TTC6: variants seen among roughly 807,000 people sequenced by gnomAD.
TTC6 encodes the protein tetratricopeptide repeat protein 6.
TTC6 carries 172 observed loss-of-function variants against 210.4 expected under a neutral mutation model. The ratio of observed to expected loss-of-function variants is 0.82; its 90% CI spans 0.72 to 0.93. The LOEUF is 0.93. Ranked by LOEUF, TTC6 falls within the 40% of genes least tolerant of loss-of-function variation. The pLI, the probability that TTC6 is intolerant of heterozygous loss-of-function variation, is 0.00. For missense variants in TTC6, 2,414 were observed against 2,318.1 expected (o/e 1.04, Z -0.85); for synonymous variants, 804 against 819.6 (o/e 0.98, Z 0.32).
chr14:37,799,213 T>C (rs1157360099), intron 20 of TTC6, among the ~76,000 whole-genome samples: 1 of 152,202 alleles, frequency 6.6e-6, no homozygotes, highest in Non-Finnish European at 1.5e-5. Context: ...TTTTTCTCCC[T>C]GGGCATTTTA....
intron 7 of TTC6, among the ~76,000 whole-genome samples, chr14:37,731,996 A>G (rs1171126283): frequency 6.6e-6 from 1 of 151,984 alleles, no homozygotes. Flanking sequence ...GTTATATATA[A>G]TTGATCCTTG....
rs759062520 is a variant in TTC6 at position 37,679,198 on chromosome 14, G to C, written c.940-953G>C. Among the ~76,000 whole-genome samples, 32 of 152,106 alleles carry C rather than the reference G, an allele frequency of 2.1e-4. 1 individual carries two copies. Among genetic ancestry groups the C allele is most frequent in the Non-Finnish European group, 1.0e-4 (7 of 68,012 alleles). The stretch of plus-strand genomic sequence containing the variant: ...GATTGCACCACTGCATTCCAGCATG[G>C]GTGACAGAGCAAGTCTCTGTTTCAA... On this transcript the variant is annotated intron_variant, in intron 1 of 30. Transcript: ENST00000553443.
At chr14:37,756,809 T>C (rs965098786) in intron 14 of TTC6, among the ~76,000 whole-genome samples, 4 of 147,518 alleles carry the variant, frequency 2.7e-5, no homozygotes, top group African/African-American at 1.1e-4. Flanking sequence ...TGAAATTTTC[T>C]TTTTTTTTGT....
chr14:37,737,783 C>T, intron 9 of TTC6, 49 bp downstream of exon 11: 1 of 1,036,724 alleles, frequency 9.6e-7, no homozygotes, highest in Non-Finnish European at 1.3e-6. Context: ...ATTTATATTC[C>T]TAGGAATAAT....
At position 37,794,056 on chromosome 14, in the gene TTC6, G is replaced by A. The variant is rs564486210; in HGVS notation, c.3709-1214G>A. On this transcript the variant is annotated intron_variant, in intron 17 of 30. Transcript: ENST00000553443. ...ATCTAATCTAAGGCTACCTGGTAGT[G>A]GTCTAATGTCAGGGAAGCTTGTGAG... Among the ~76,000 whole-genome samples, 18 of 152,266 alleles carry A rather than the reference G, an allele frequency of 1.2e-4. No individual in the cohort carries two copies. In the South Asian group the frequency reaches 3.5e-3, roughly 30 times the overall value.
At chr14:37,784,353 T>G (rs2096062589) in intron 14 of TTC6, among the ~76,000 whole-genome samples, 1 of 152,218 alleles carries the variant, frequency 6.6e-6, no homozygotes, top group South Asian at 2.1e-4. Context: ...TTTTGTTGAA[T>G]TGATCCGTTT....
At chr14:37,644,261 G>A (rs1273166589) in intron 1 of TTC6, among the ~76,000 whole-genome samples, 1 of 152,094 alleles carries the variant, frequency 6.6e-6, no homozygotes, top group Non-Finnish European at 1.5e-5. Flanking sequence ...GTAAAAAAAG[G>A]TCTTATAAAA....
At chr14:37,647,995 T>C (rs150961351) in intron 1 of TTC6, among the ~76,000 whole-genome samples, 2 of 152,244 alleles carry the variant, frequency 1.3e-5, no homozygotes, top group African/African-American at 2.4e-5. Flanking sequence ...CATAGCGTTA[T>C]AACTATAATA....
At chr14:37,752,607 A>G (rs1175565034) in intron 13 of TTC6, among the ~76,000 whole-genome samples, 1 of 151,928 alleles carries the variant, frequency 6.6e-6, no homozygotes, top group African/African-American at 2.4e-5. Flanking sequence ...TATAATTGAT[A>G]TATGATTTAG....
intron 3 of TTC6, among the ~76,000 whole-genome samples, chr14:37,685,930 C>T (rs1303430636): frequency 1.3e-5 from 2 of 152,100 alleles, no homozygotes; most frequent in Non-Finnish European, 2.9e-5. Context: ...TTAAATGACT[C>T]ATTAAAAGAA....
At chr14:37,832,919 G>A (rs769982561) in intron 29 of TTC6, among the ~76,000 whole-genome samples, 3 of 152,026 alleles carry the variant, frequency 2.0e-5, no homozygotes, top group Non-Finnish European at 4.4e-5. Flanking sequence ...TTAGCTGTGT[G>A]TGGTGGTGCA....
intron 14 of TTC6, among the ~76,000 whole-genome samples, chr14:37,783,279 A>C (rs917697328): frequency 6.6e-6 from 1 of 152,092 alleles, no homozygotes; most frequent in Non-Finnish European, 1.5e-5. Context: ...TTGGTTTGGT[A>C]GGTTCTTAAT....
At chr14:37,704,510 A>G (rs2095831732) in intron 5 of TTC6, among the ~76,000 whole-genome samples, 1 of 152,052 alleles carries the variant, frequency 6.6e-6, no homozygotes, top group Admixed American at 6.6e-5. Context: ...AAGGTTGCAC[A>G]TATTTTTAGA....
intron 29 of TTC6, among the ~76,000 whole-genome samples, chr14:37,829,606 A>G (rs904291915): frequency 5.3e-5 from 8 of 152,078 alleles, no homozygotes; most frequent in Admixed American, 2.0e-4. Flanking sequence ...AGCTTGTCAC[A>G]TAAACTTGGT....
intron 15 of TTC6, among the ~76,000 whole-genome samples, chr14:37,789,916 A>G (rs1464081826): frequency 6.6e-6 from 1 of 152,018 alleles, no homozygotes; most frequent in Non-Finnish European, 1.5e-5. Flanking sequence ...TTGCACCTTA[A>G]GGCAGAATGT....
At chr14:37,744,812 G>T (rs1181319483) in intron 10 of TTC6, among the ~76,000 whole-genome samples, 1 of 152,124 alleles carries the variant, frequency 6.6e-6, no homozygotes, top group Non-Finnish European at 1.5e-5. Context: ...GGTTCGCTCT[G>T]GTTACTTGTG....
intron 1 of TTC6, among the ~76,000 whole-genome samples, chr14:37,653,847 T>G (rs1390445616): frequency 6.6e-6 from 1 of 152,186 alleles, no homozygotes; most frequent in Non-Finnish European, 1.5e-5. Flanking sequence ...AGGTACACCT[T>G]TTTTATTTAT....
chr14:37,714,093 T>A (rs2095848713), intron 5 of TTC6, among the ~76,000 whole-genome samples: 1 of 152,238 alleles, frequency 6.6e-6, no homozygotes, highest in African/African-American at 2.4e-5. Flanking sequence ...ACACATTTAC[T>A]TTCAAATTTT....
chr14:37,797,090 T>C (rs1441669971), intron 20 of TTC6, 143 bp downstream of exon 22: 1 of 772,424 alleles, frequency 1.3e-6, no homozygotes, highest in African/African-American at 1.8e-5. Context: ...ATTTTCTCTC[T>C]TTTTTGTGCC....
Sources: gnomAD v4.1 joint callset for allele counts (sites outside exome capture counted in the v4.1 genomes callset) on GRCh38, gnomAD v4.1.1 for gene constraint, MANE v1.5 for transcripts, NCBI Gene and HGNC (gene_info 2026-07-23, HGNC 2026-07-21) for gene names.